The following ITGA8 variants were observed in gnomAD, a reference collection of about 807,000 sequenced individuals.
The protein encoded by ITGA8 is integrin alpha-8.
A neutral mutation model predicts 142.3 loss-of-function variants in ITGA8; 91 were observed. That is an observed-to-expected ratio of 0.64 (90% CI 0.54 to 0.76). The LOEUF (loss-of-function observed/expected upper bound fraction) is 0.76, where lower values mean the gene tolerates loss of function less well. Ranked by LOEUF, ITGA8 falls within the 30% of genes least tolerant of loss-of-function variation. The probability of loss-of-function intolerance (pLI) is 0.00; values close to 1 mark genes in which losing one functional copy is unlikely to be tolerated. For missense variants in ITGA8, 1,406 were observed against 1,327.7 expected (o/e 1.06, Z -0.92); for synonymous variants, 505 against 485.2 (o/e 1.04, Z -0.54).
intron 13 of ITGA8, among the ~76,000 whole-genome samples, chr10:15,629,889 C>G (rs1277816436): frequency 6.6e-6 from 1 of 152,050 alleles, no homozygotes; most frequent in Non-Finnish European, 1.5e-5. Flanking sequence ...GATTGTGCCA[C>G]TGCACCCCAG....
At chr10:15,543,883 A>G (rs57645478) in intron 27 of ITGA8, among the ~76,000 whole-genome samples, 8,422 of 152,192 alleles carry the variant, frequency 0.055, 752 homozygotes, top group African/African-American at 0.19. Flanking sequence ...GAGCGTCCTT[A>G]TAAGAAACAG....
chr10:15,597,169 T>C (rs753804656), intron 21 of ITGA8, 38 bp downstream of exon 21: 19 of 1,513,420 alleles, frequency 1.3e-5, no homozygotes, highest in Admixed American at 3.3e-5. Context: ...GAAGTCCAGT[T>C]AGAAGGAAAT....
intron 2 of ITGA8, among the ~76,000 whole-genome samples, chr10:15,695,289 A>G (rs1005008991): frequency 4.6e-5 from 7 of 152,168 alleles, no homozygotes; most frequent in Admixed American, 1.3e-4. Flanking sequence ...CGAGTTTTTA[A>G]TCTGGTGTGT....
At chr10:15,533,659 T>G (rs1000585558) in intron 27 of ITGA8, among the ~76,000 whole-genome samples, 1 of 152,182 alleles carries the variant, frequency 6.6e-6, no homozygotes, top group Non-Finnish European at 1.5e-5. Flanking sequence ...CTTGAAGTCA[T>G]GTCTTTGATA....
intron 26 of ITGA8, among the ~76,000 whole-genome samples, chr10:15,556,270 C>T (rs982690265): frequency 6.6e-6 from 1 of 152,036 alleles, no homozygotes; most frequent in Non-Finnish European, 1.5e-5. Flanking sequence ...CTCAGGTGAT[C>T]TGCCCACCTC....
chr10:15,556,181 C>T (rs750647501), intron 26 of ITGA8, among the ~76,000 whole-genome samples: 2 of 151,810 alleles, frequency 1.3e-5, no homozygotes, highest in African/African-American at 2.4e-5. Context: ...CGCCTGCCAC[C>T]ACGCCCAGAT....
intron 6 of ITGA8, among the ~76,000 whole-genome samples, chr10:15,675,557 A>C (rs1834611900): frequency 6.6e-6 from 1 of 152,220 alleles, no homozygotes; most frequent in African/African-American, 2.4e-5. Context: ...ACTTAAAATT[A>C]GTTTATATCC....
chr10:15,709,518 A>G lies in ITGA8; in HGVS notation c.343+9248T>C, dbSNP rs148836078. Reference sequence around the variant, plus strand: ...CAAGAACTAAACACCAATTCATGCTATGATGTTTGACACTACTTCATGAGT... The same window carrying G: ...CAAGAACTAAACACCAATTCATGCTGTGATGTTTGACACTACTTCATGAGT... On this transcript the variant is annotated intron_variant, in intron 2 of 29. Coordinates refer to ENST00000378076, the MANE Select transcript of ITGA8 (RefSeq NM_003638.3). Among the ~76,000 whole-genome samples, 613 of 152,366 alleles carry G rather than the reference A, an allele frequency of 4.0e-3. 3 individuals are homozygous for G. The highest frequency in any genetic ancestry group is 0.014 in the African/African-American group (577 of 41,590).
At chr10:15,563,101 T>C (rs56335101) in intron 25 of ITGA8, among the ~76,000 whole-genome samples, 57,631 of 144,766 alleles carry the variant, frequency 0.4, 11,434 homozygotes, top group African/African-American at 0.5. Context: ...GTGAAGTGCC[T>C]GCTCCCCACT....
chr10:15,560,206 G>A (rs1833949819), intron 25 of ITGA8, among the ~76,000 whole-genome samples: 1 of 152,038 alleles, frequency 6.6e-6, no homozygotes, highest in Non-Finnish European at 1.5e-5. Context: ...CTAAGCCCAG[G>A]AGTTCAAGAC....
At chr10:15,616,140 G>A (rs3824619) in intron 14 of ITGA8, among the ~76,000 whole-genome samples, 136,132 of 152,208 alleles carry the variant, frequency 0.89, 62,632 homozygotes, top group Non-Finnish European at 1. Context: ...GTTTGATTAT[G>A]GAAGCCAGGA....
chr10:15,689,797 C>T (rs1834899083), intron 2 of ITGA8, among the ~76,000 whole-genome samples: 2 of 152,226 alleles, frequency 1.3e-5, no homozygotes, highest in Admixed American at 1.3e-4. Flanking sequence ...CCTGCTGCAG[C>T]TCCCTACGCT....
At chr10:15,655,274 G>A (rs1005117289) in intron 11 of ITGA8, 80 bp downstream of exon 11, 1 of 938,902 alleles carries the variant, frequency 1.1e-6, no homozygotes, top group South Asian at 1.6e-5. Context: ...ATAAGGAAGG[G>A]TGTATTTTGT....
At chr10:15,657,509 C>CTTTCTTTT (rs534714654) in intron 10 of ITGA8, among the ~76,000 whole-genome samples, 6 of 116,498 alleles carry the variant, frequency 5.2e-5, no homozygotes, top group African/African-American at 1.6e-4. Context: ...TCTTTTCTTT[C>CTTTCTTTT]ATTTTTTTTT....
intron 23 of ITGA8, among the ~76,000 whole-genome samples, chr10:15,576,532 A>C (rs1223580037): frequency 1.3e-5 from 2 of 152,224 alleles, no homozygotes; most frequent in Non-Finnish European, 2.9e-5. Context: ...TAACCTCAAC[A>C]GAAAACATCT....
chr10:15,604,477 A>T, intron 19 of ITGA8, 122 bp from the exon 20 acceptor site: 1 of 678,080 alleles, frequency 1.5e-6, no homozygotes, highest in Non-Finnish European at 2.3e-6. Context: ...AAGATGGACC[A>T]TCATGAAGAG....
intron 13 of ITGA8, among the ~76,000 whole-genome samples, chr10:15,628,152 A>G (rs1833618954): frequency 6.6e-6 from 1 of 151,980 alleles, no homozygotes; most frequent in African/African-American, 2.4e-5. Context: ...CTTTCGCAGA[A>G]AACTTACGAA....
chr10:15,636,521 CA>C (rs1363905118), intron 13 of ITGA8, among the ~76,000 whole-genome samples: 3 of 152,152 alleles, frequency 2.0e-5, no homozygotes, highest in Non-Finnish European at 4.4e-5. Flanking sequence ...ATTATTTCTG[CA>C]ATCAAATCTG....
chr10:15,587,662 T>C (rs1832856494), intron 22 of ITGA8, among the ~76,000 whole-genome samples: 1 of 152,108 alleles, frequency 6.6e-6, no homozygotes, highest in Non-Finnish European at 1.5e-5. Flanking sequence ...AGTTGGCCAG[T>C]TCATAAACAG....
Sources: gnomAD v4.1 joint callset for allele counts (sites outside exome capture counted in the v4.1 genomes callset) on GRCh38, gnomAD v4.1.1 for gene constraint, MANE v1.5 for transcripts, NCBI Gene and HGNC (gene_info 2026-07-23, HGNC 2026-07-21) for gene names.